AAK1: variants seen among roughly 807,000 people sequenced by gnomAD.
The protein encoded by AAK1 is AP2 associated kinase 1, also known as AP2-associated protein kinase 1.
A neutral mutation model predicts 116.0 loss-of-function variants in AAK1; 37 were observed. That is an observed-to-expected ratio of 0.32 (90% CI 0.25 to 0.42). The LOEUF (loss-of-function observed/expected upper bound fraction) is 0.42. Ranked by LOEUF, AAK1 falls within the 10% of genes least tolerant of loss-of-function variation. The pLI is 1.00. For synonymous variants in AAK1, 458 were observed against 439.9 expected (o/e 1.04, Z -0.51); for missense variants, 919 against 1,170.6 (o/e 0.79, Z 3.14).
At chr2:69,542,743 T>A in intron 4 of AAK1, 78 bp from the exon 5 acceptor site, 1 of 1,519,084 alleles carries the variant, frequency 6.6e-7, no homozygotes, top group African/African-American at 1.4e-5. Context: ...ATGAACGGCG[T>A]CCAAAGAGAA....
chr2:69,461,711 C>T lies in AAK1; in HGVS notation c.*14158G>A, dbSNP rs1201361383. The T allele has an allele frequency of 9.8e-6, 4 of 406,696 alleles. No homozygotes were observed. The highest frequency in any genetic ancestry group is 6.8e-5 in the South Asian group (4 of 58,858). The allele number at this position is 406,696 out of a possible 1,614,324, so 25.2% of individuals were successfully genotyped here. A position where few individuals can be genotyped will look rare whatever the true frequency, so the allele number is the denominator to read the frequency against. On this transcript the variant is annotated 3_prime_UTR_variant, in exon 22 of 22. Transcript: ENST00000409085. Reference sequence around the variant, plus strand: ...CCTGGGTCAAGCAATTCTGCCTCAGCCTCCCTAGTAACTGGGACTACAGGT... The same window carrying T: ...CCTGGGTCAAGCAATTCTGCCTCAGTCTCCCTAGTAACTGGGACTACAGGT...
At chr2:69,516,287 T>TA (rs1349435334) in intron 12 of AAK1, among the ~76,000 whole-genome samples, 2 of 150,894 alleles carry the variant, frequency 1.3e-5, no homozygotes, top group Non-Finnish European at 2.9e-5. Flanking sequence ...TTATCTATGT[T>TA]AATGCTGTTA....
At chr2:69,620,130 C>G (rs939213251) in intron 2 of AAK1, among the ~76,000 whole-genome samples, 1 of 152,154 alleles carries the variant, frequency 6.6e-6, no homozygotes, top group Non-Finnish European at 1.5e-5. Context: ...CAGGCTGGCC[C>G]AGAGAGACAG....
At chr2:69,623,837 C>A (rs928848372) in intron 2 of AAK1, among the ~76,000 whole-genome samples, 1 of 151,108 alleles carries the variant, frequency 6.6e-6, no homozygotes, top group Admixed American at 6.6e-5. Flanking sequence ...AAAATATCTG[C>A]AAAAAGCCCA....
intron 2 of AAK1, among the ~76,000 whole-genome samples, chr2:69,589,859 C>T (rs1388199076): frequency 6.6e-6 from 1 of 152,084 alleles, no homozygotes; most frequent in Admixed American, 6.5e-5. Context: ...GGAGTAGAGT[C>T]AGGCACAGGG....
At chr2:69,595,221 T>C (rs562123931) in intron 2 of AAK1, among the ~76,000 whole-genome samples, 19 of 152,226 alleles carry the variant, frequency 1.2e-4, no homozygotes, top group Non-Finnish European at 2.1e-4. Flanking sequence ...CAAGCGATTC[T>C]CCTGCCTCAG....
chr2:69,610,089 C>T (rs1674012846), intron 2 of AAK1, among the ~76,000 whole-genome samples: 1 of 151,224 alleles, frequency 6.6e-6, no homozygotes, highest in Non-Finnish European at 1.5e-5. Context: ...GGTCACATAC[C>T]TTCTGATTTA....
chr2:69,587,851 A>T (rs982812037), intron 2 of AAK1, among the ~76,000 whole-genome samples: 8 of 151,918 alleles, frequency 5.3e-5, no homozygotes, highest in Non-Finnish European at 1.0e-4. Context: ...GGCTCAAGTG[A>T]TCTTCCTACC....
In AAK1 at chr2:69,467,737, T is replaced by TC. The variant is rs1417811693; in HGVS notation, c.*8131dup. On this transcript the variant is annotated 3_prime_UTR_variant, in exon 22 of 22. Transcript: ENST00000409085. The stretch of plus-strand genomic sequence containing the variant: ...TAGCAGAAATTTCTGCCAAAAATTA[T>TC]CCCCTGCTAAAGTTTCTGCATGAAT... 7 of 985,258 alleles carry TC rather than the reference T, an allele frequency of 7.1e-6. No individual in the cohort carries two copies. The highest frequency in any genetic ancestry group is 8.4e-6 in the Non-Finnish European group (7 of 829,932). 61.0% of individuals were successfully genotyped at this position (985,258 alleles called of 1,614,324 possible).
At position 69,473,879 on chromosome 2, in the gene AAK1, G is replaced by T. The variant is rs141737335; in HGVS notation, c.*1990C>A. The T allele has an allele frequency of 8.3e-4, 815 of 985,662 alleles. 3 individuals carry two copies. The African/African-American group carries it at 0.01, about 13-fold the overall frequency. 61.1% of individuals were successfully genotyped at this position (985,662 alleles called of 1,614,324 possible). A position where few individuals can be genotyped will look rare whatever the true frequency, so the allele number is the denominator to read the frequency against. On this transcript the variant is annotated 3_prime_UTR_variant, in exon 22 of 22. Transcript: ENST00000409085. The stretch of plus-strand genomic sequence containing the variant: ...TGCAGCAATTTTCCTGTCCATAAAG[G>T]GGTAAACCAAGTCCTATTTTCACTG...
intron 15 of AAK1, 102 bp downstream of exon 15, chr2:69,507,319 A>T (rs1369942462): frequency 7.2e-7 from 1 of 1,392,584 alleles, no homozygotes; most frequent in Non-Finnish European, 9.7e-7. Context: ...ACGTTTCCAC[A>T]TGCATACCCT....
intron 3 of AAK1, among the ~76,000 whole-genome samples, chr2:69,555,133 T>C (rs939723011): frequency 1.3e-5 from 2 of 151,676 alleles, no homozygotes; most frequent in African/African-American, 4.8e-5. Context: ...TGAACAAGCA[T>C]GGGCAAGGAG....
intron 17 of AAK1, among the ~76,000 whole-genome samples, chr2:69,489,114 G>A (rs1675419146): frequency 6.6e-6 from 1 of 150,580 alleles, no homozygotes; most frequent in African/African-American, 2.4e-5. Flanking sequence ...CCAAAGTGCT[G>A]GGATTACAGG....
chr2:69,488,408 T>A (rs752467401), intron 17 of AAK1, among the ~76,000 whole-genome samples: 100 of 152,268 alleles, frequency 6.6e-4, no homozygotes, highest in Non-Finnish European at 1.1e-3. Context: ...ATTTTTTGAA[T>A]TTTAGCTGGG....
intron 2 of AAK1, among the ~76,000 whole-genome samples, chr2:69,562,620 G>A (rs1411368117): frequency 6.6e-6 from 1 of 152,102 alleles, no homozygotes; most frequent in Non-Finnish European, 1.5e-5. Flanking sequence ...GGCCAGACAC[G>A]GTGGCTCATG....
At chr2:69,601,429 A>G (rs924452723) in intron 2 of AAK1, among the ~76,000 whole-genome samples, 2 of 152,232 alleles carry the variant, frequency 1.3e-5, no homozygotes, top group African/African-American at 4.8e-5. Context: ...TGGGACTCCA[A>G]TTGACAGCAT....
At chr2:69,605,631 A>G (rs1573000471) in intron 2 of AAK1, among the ~76,000 whole-genome samples, 1 of 152,214 alleles carries the variant, frequency 6.6e-6, no homozygotes, top group African/African-American at 2.4e-5. Context: ...CTTAAAAAAC[A>G]TGCTGAGGAT....
intron 19 of AAK1, among the ~76,000 whole-genome samples, chr2:69,480,112 A>C (rs1052893980): frequency 1.7e-4 from 26 of 152,186 alleles, no homozygotes; most frequent in African/African-American, 6.0e-4. Context: ...AGGAGAAAAC[A>C]TTCAAATGAG....
At chr2:69,484,280 G>C (rs969275432) in intron 17 of AAK1, among the ~76,000 whole-genome samples, 1 of 152,154 alleles carries the variant, frequency 6.6e-6, no homozygotes, top group African/African-American at 2.4e-5. Flanking sequence ...CCAAATTTTA[G>C]GTGATCTTCA....
Sources: gnomAD v4.1 joint callset for allele counts (sites outside exome capture counted in the v4.1 genomes callset) on GRCh38, gnomAD v4.1.1 for gene constraint, MANE v1.5 for transcripts, NCBI Gene and HGNC (gene_info 2026-07-23, HGNC 2026-07-21) for gene names.